PARD3B: variants seen among roughly 807,000 people sequenced by gnomAD.
PARD3B encodes the protein partitioning defective 3 homolog B.
A neutral mutation model predicts 130.2 loss-of-function variants in PARD3B; 103 were observed. The ratio of observed to expected loss-of-function variants is 0.79; its 90% CI spans 0.67 to 0.93. The LOEUF is 0.93. Ranked by LOEUF, PARD3B falls within the 40% of genes least tolerant of loss-of-function variation. The pLI is 0.00. For synonymous variants in PARD3B, 583 were observed against 553.2 expected, an observed-to-expected ratio of 1.05 and a Z score of -0.76; for missense variants, 1,609 against 1,499.2, an observed-to-expected ratio of 1.07 and a Z score of -1.21.
chr2:204,981,447 G>A (rs968783573), intron 3 of PARD3B, among the ~76,000 whole-genome samples: 13 of 152,254 alleles, frequency 8.5e-5, no homozygotes, highest in Admixed American at 7.9e-4. Flanking sequence ...AAAATAGAAG[G>A]TGTAAGGAGT....
At chr2:205,601,526 GC>G (rs2054784377) in intron 22 of PARD3B, among the ~76,000 whole-genome samples, 1 of 152,046 alleles carries the variant, frequency 6.6e-6, no homozygotes, top group African/African-American at 2.4e-5. Context: ...GCCAATTTTT[GC>G]TTTTGTGGCA....
At chr2:205,248,158 G>A (rs1276997569) in intron 16 of PARD3B, among the ~76,000 whole-genome samples, 3 of 151,834 alleles carry the variant, frequency 2.0e-5, no homozygotes, top group Non-Finnish European at 2.9e-5. Flanking sequence ...CCAGGTTAGC[G>A]TCAAACTCTT....
intron 3 of PARD3B, among the ~76,000 whole-genome samples, chr2:205,034,149 A>G (rs948345248): frequency 6.6e-6 from 1 of 152,140 alleles, no homozygotes; most frequent in Non-Finnish European, 1.5e-5. Flanking sequence ...GGTCTGGGAC[A>G]TTTCATACTC....
intron 2 of PARD3B, among the ~76,000 whole-genome samples, chr2:204,912,767 G>A (rs1048607247): frequency 6.6e-6 from 1 of 152,150 alleles, no homozygotes; most frequent in African/African-American, 2.4e-5. Context: ...AAATTAAGAG[G>A]TATTAGTAAG....
chr2:204,776,663 G>A (rs186322189), intron 2 of PARD3B, among the ~76,000 whole-genome samples: 354 of 151,824 alleles, frequency 2.3e-3, no homozygotes, highest in African/African-American at 7.0e-3. Flanking sequence ...CTTGCCTACC[G>A]TTCTGTGGTT....
intron 6 of PARD3B, among the ~76,000 whole-genome samples, chr2:205,114,959 A>T (rs959083060): frequency 6.6e-6 from 1 of 152,154 alleles, no homozygotes; most frequent in African/African-American, 2.4e-5. Flanking sequence ...CTCAGTTGTC[A>T]TGAGAAATTC....
intron 10 of PARD3B, among the ~76,000 whole-genome samples, chr2:205,148,426 T>A (rs1393617953): frequency 6.6e-6 from 1 of 152,216 alleles, no homozygotes; most frequent in Non-Finnish European, 1.5e-5. Context: ...CTCTGATCCC[T>A]ACTCTAGGAT....
chr2:204,632,396 T>C (rs2034710247), intron 1 of PARD3B, among the ~76,000 whole-genome samples: 1 of 152,190 alleles, frequency 6.6e-6, no homozygotes, highest in Admixed American at 6.5e-5. Flanking sequence ...GAGTTTTCAG[T>C]GTTCTTGCGC....
At chr2:205,153,798 G>C (rs1460879661) in intron 10 of PARD3B, among the ~76,000 whole-genome samples, 6 of 152,162 alleles carry the variant, frequency 3.9e-5, no homozygotes, top group Non-Finnish European at 7.4e-5. Flanking sequence ...AATGGGGAAA[G>C]GATTCCCTAT....
At chr2:204,569,169 C>G (rs1212705810) in intron 1 of PARD3B, among the ~76,000 whole-genome samples, 2 of 152,204 alleles carry the variant, frequency 1.3e-5, no homozygotes, top group Admixed American at 1.3e-4. Context: ...TTTGCTTTCA[C>G]TGCACAGTTT....
intron 20 of PARD3B, among the ~76,000 whole-genome samples, chr2:205,459,171 G>A (rs1291768668): frequency 6.6e-6 from 1 of 152,158 alleles, no homozygotes; most frequent in South Asian, 2.1e-4. Flanking sequence ...ATGACTTGGA[G>A]AGAAAAAACG....
At chr2:204,800,297 G>A (rs747889417) in intron 2 of PARD3B, among the ~76,000 whole-genome samples, 1 of 152,084 alleles carries the variant, frequency 6.6e-6, no homozygotes, top group Non-Finnish European at 1.5e-5. Context: ...GATAGAATTA[G>A]TAGGCTTAAA....
intron 15 of PARD3B, among the ~76,000 whole-genome samples, chr2:205,232,293 G>C (rs541156128): frequency 3.3e-5 from 5 of 152,158 alleles, no homozygotes; most frequent in South Asian, 2.1e-4. Context: ...CACACACACA[G>C]AGTGTAAATA....
rs767106843 is a variant in PARD3B at position 205,572,526 on chromosome 2, C to T, written c.3260+19123C>T. On this transcript the variant is annotated intron_variant, in intron 22 of 22. Coordinates refer to ENST00000406610, the MANE Select transcript of PARD3B (RefSeq NM_001302769.2). The surrounding 1 kb of genome is among the most constrained non-coding windows in gnomAD (Gnocchi z 4.2). ...TTGGGAGGCCAAGGCAGGCGGATTG[C>T]CTGAGCTCAGGAGTTTGAGACCACC... 3.9e-5 allele frequency among the ~76,000 whole-genome samples: 6 copies of T among 152,308 alleles called. No individual in the cohort carries two copies. Among genetic ancestry groups the T allele is most frequent in the East Asian group, 1.9e-4 (1 of 5,184 alleles).
chr2:205,498,696 C>T lies in PARD3B; in HGVS notation c.3045-1200C>T, dbSNP rs183544926. ...AGCAAGATGCTTTCTCATTGCTTTA[C>T]TTTGCACTCACTGCCCTTCCCTCTA... is the stretch of plus-strand genomic sequence containing the variant. On this transcript the variant is annotated intron_variant, in intron 20 of 22. Coordinates refer to ENST00000406610, the MANE Select transcript of PARD3B (RefSeq NM_001302769.2). 7.2e-5 allele frequency among the ~76,000 whole-genome samples: 11 copies of T among 152,290 alleles called. No homozygotes were observed. The East Asian group carries it at 1.9e-3, about 27-fold the overall frequency.
At chr2:205,053,834 G>C (rs1317634203) in intron 4 of PARD3B, among the ~76,000 whole-genome samples, 2 of 119,776 alleles carry the variant, frequency 1.7e-5, no homozygotes, top group Admixed American at 8.2e-5. Context: ...AGCAAAACAG[G>C]GGGAGAAATA....
chr2:205,616,907 G>C lies in PARD3B; in HGVS notation c.*1094G>C, dbSNP rs1306604526. 2 of 153,688 alleles carry C rather than the reference G, an allele frequency of 1.3e-5. No individual in the cohort carries two copies. Among genetic ancestry groups the C allele is most frequent in the Non-Finnish European group, 2.9e-5 (2 of 68,044 alleles). The allele number at this position is 153,688 out of a possible 1,614,324, so 9.5% of individuals were successfully genotyped here. On this transcript the variant is annotated 3_prime_UTR_variant, in exon 23 of 23. Coordinates refer to ENST00000406610, the MANE Select transcript of PARD3B (RefSeq NM_001302769.2). ...AGTGAATGAGAGAGAGAGAGAGAGAGAGTATGTGTGTGTGTGTGTATGTGT... is the reference window on the plus strand; with the variant it reads ...AGTGAATGAGAGAGAGAGAGAGAGACAGTATGTGTGTGTGTGTGTATGTGT...
intron 18 of PARD3B, among the ~76,000 whole-genome samples, chr2:205,379,415 G>A (rs551814971): frequency 1.5e-4 from 23 of 151,980 alleles, no homozygotes; most frequent in African/African-American, 3.4e-4. Context: ...CTTTAGGGAC[G>A]AATCCAGAAT....
chr2:204,698,605 T>G (rs2125270750), intron 2 of PARD3B, among the ~76,000 whole-genome samples: 1 of 152,126 alleles, frequency 6.6e-6, no homozygotes, highest in South Asian at 2.1e-4. Context: ...TTAAGATGTG[T>G]TTGTCATAAA....
Sources: allele counts gnomAD v4.1 joint callset (sites outside exome capture counted in the v4.1 genomes callset), GRCh38; gene constraint gnomAD v4.1.1; non-coding constraint Gnocchi (gnomAD v3.1); transcripts MANE v1.5; gene names NCBI Gene and HGNC (gene_info 2026-07-23, HGNC 2026-07-21).